The following EMC1 variants were observed in gnomAD, a reference collection of about 807,000 sequenced individuals.
EMC1 encodes ER membrane protein complex subunit 1.
In EMC1, 103 loss-of-function variants were observed where a neutral mutation model predicts 128.8. That is an observed-to-expected ratio of 0.80 (90% CI 0.68 to 0.94). The LOEUF (loss-of-function observed/expected upper bound fraction) is 0.94. Among genes scored for constraint, EMC1 ranks in the 40% least tolerant of loss-of-function variants. The pLI is 0.00. For missense variants in EMC1, 1,083 were observed against 1,250.6 expected, an observed-to-expected ratio of 0.87 and a Z score of 2.02; for synonymous variants, 442 against 490.4, an observed-to-expected ratio of 0.90 and a Z score of 1.30.
At chr1:19,250,468 T>C (rs1350161401) in intron 1 of EMC1, among the ~76,000 whole-genome samples, 1 of 152,166 alleles carries the variant, frequency 6.6e-6, no homozygotes, top group East Asian at 1.9e-4. Flanking sequence ...TTGTGAACAG[T>C]TGTGCACATC....
chr1:19,244,135 AG>A, intron 2 of EMC1, 120 bp from the exon 3 acceptor site: 1 of 962,414 alleles, frequency 1.0e-6, no homozygotes, highest in Non-Finnish European at 1.6e-6. Flanking sequence ...GAGGGAGTGA[AG>A]GAGTATAGCT....
chr1:19,218,456 TTAAC>T lies in EMC1; in HGVS notation c.*843_*846del, dbSNP rs1336169430. 6.6e-6 allele frequency: 1 copy of T among 152,228 alleles called. No homozygotes were observed. The highest frequency in any genetic ancestry group is 1.9e-4 in the East Asian group (1 of 5,208). The allele number at this position is 152,228 out of a possible 1,614,324, so 9.4% of individuals were successfully genotyped here. The stretch of plus-strand genomic sequence containing the variant: ...ATGGGGTTCTTAAACAAGGACATCT[TTAAC>T]TAGGTTATGATTAGACCAGCCTGTG... On this transcript the variant is annotated 3_prime_UTR_variant, in exon 23 of 23. Coordinates refer to ENST00000477853, the MANE Select transcript of EMC1 (RefSeq NM_015047.3).
Position 19,240,605 on chromosome 1 carries a change from C to T in EMC1, c.637-159G>A, listed in dbSNP as rs41310399. The T allele has an allele frequency of 3.0e-4, 214 of 714,734 alleles. 1 individual carries two copies. The highest frequency in any genetic ancestry group is 7.4e-4 in the South Asian group (37 of 49,706). The allele number at this position is 714,734 out of a possible 1,614,324, so 44.3% of individuals were successfully genotyped here. A position where few individuals can be genotyped will look rare whatever the true frequency, so the allele number is the denominator to read the frequency against. On this transcript the variant is annotated intron_variant, in intron 6 of 22. Coordinates refer to ENST00000477853, the MANE Select transcript of EMC1 (RefSeq NM_015047.3). ...GAGTTCTTCCTGTCCCCTGAAACCC[C>T]ACCCTCCAACCTCCTGAGAGCCTTC...
chr1:19,238,022 C>A lies in EMC1; in HGVS notation c.1207G>T (p.Glu403Ter). 6.2e-7 allele frequency: 1 copy of A among 1,613,622 alleles called. No homozygotes were observed. Among genetic ancestry groups the A allele is most frequent in the Non-Finnish European group, 8.5e-7 (1 of 1,179,810 alleles). The stretch of plus-strand genomic sequence containing the variant: ...AAAGAAAGGCTCTGCCTTACCCGCT[C>A]AGGCCGAGTGCCGCTCTGTTCCAGG... Reference protein sequence around the residue: ...FSLEQSGTRPERLYIQVFLKK... With the variant: ...FSLEQSGTRP Residue 403 changes from glutamate (E) to a stop codon, truncating the protein, a stop_gained, in exon 11 of 23, where the codon GAG (glutamate) becomes TAG (stop). Coordinates refer to ENST00000477853, the MANE Select transcript of EMC1 (RefSeq NM_015047.3). LOFTEE classifies it high-confidence loss of function.
intron 10 of EMC1, 104 bp from the exon 11 acceptor site, chr1:19,238,243 G>C: frequency 1.6e-6 from 2 of 1,286,862 alleles, no homozygotes; most frequent in Non-Finnish European, 2.2e-6. Context: ...GAAGGAGCCA[G>C]GCCAGAAGGG....
intron 17 of EMC1, among the ~76,000 whole-genome samples, 176 bp downstream of exon 17, chr1:19,230,668 G>C (rs865898331): frequency 2.6e-5 from 4 of 152,172 alleles, no homozygotes; most frequent in African/African-American, 7.2e-5. Flanking sequence ...AACCGTATCT[G>C]CCATGTAGTA....
rs372754971 is a variant in EMC1 at position 19,218,985 on chromosome 1, T to C, written c.*318A>G. ...TCACAAAAATCAGCCGGAATTCTTATTAAAAAAAACAAAACAGAACATTCA... is the reference window on the plus strand; with the variant it reads ...TCACAAAAATCAGCCGGAATTCTTACTAAAAAAAACAAAACAGAACATTCA... On this transcript the variant is annotated 3_prime_UTR_variant, in exon 23 of 23. Coordinates refer to ENST00000477853, the MANE Select transcript of EMC1 (RefSeq NM_015047.3). 2 of 169,114 alleles carry C rather than the reference T, an allele frequency of 1.2e-5. No homozygotes were observed. The highest frequency in any genetic ancestry group is 2.3e-5 in the Non-Finnish European group (2 of 88,290). 10.5% of individuals were successfully genotyped at this position (169,114 alleles called of 1,614,324 possible). A position where few individuals can be genotyped will look rare whatever the true frequency, so the allele number is the denominator to read the frequency against.
In EMC1 at chr1:19,227,430, A is replaced by G. The variant is rs2093483743; in HGVS notation, c.2085T>C (p.Ser695=). The G allele has an allele frequency of 1.9e-6, 3 of 1,614,150 alleles. No individual in the cohort carries two copies. The highest frequency in any genetic ancestry group is 2.5e-6 in the Non-Finnish European group (3 of 1,180,022). ...RLRKDLTTEL[S]WELTIPPEVQ... ...CTTCTGGGGGAATGGTCAGCTCCCAACTCAGCTCAGTGGTGAGATCCTAGG... is the reference window on the plus strand; with the variant it reads ...CTTCTGGGGGAATGGTCAGCTCCCAGCTCAGCTCAGTGGTGAGATCCTAGG... The change falls in exon 18 of 23, where the codon AGT becomes AGC. Residue 695 remains serine (S), a synonymous_variant. Transcript: ENST00000477853.
At chr1:19,230,816 A>C in intron 17 of EMC1, 28 bp downstream of exon 17, 11 of 1,613,120 alleles carry the variant, frequency 6.8e-6, no homozygotes, top group Non-Finnish European at 7.6e-6. Context: ...TCATCCACAA[A>C]GGGTTGTGCC....
chr1:19,240,175 C>A, intron 7 of EMC1, 122 bp downstream of exon 7: 1 of 1,329,502 alleles, frequency 7.5e-7, no homozygotes, highest in Non-Finnish European at 1.0e-6. Flanking sequence ...CAGCCAGAGG[C>A]CTGAATGGCT....
rs758888994 is a variant in EMC1 at position 19,219,308 on chromosome 1, G to A, written c.2977C>T (p.Arg993Ter). Residue 993 changes from arginine to a stop codon, truncating the protein, a stop_gained, in exon 23 of 23, where the codon CGA (arginine) becomes TGA (stop). Coordinates refer to ENST00000477853, the MANE Select transcript of EMC1 (RefSeq NM_015047.3). LOFTEE classifies it high-confidence loss of function. Reference protein sequence around the residue: ...AQVKLLNRAWR With the variant: ...AQVKLLNRAW ...TTAGGCACAGTCTTTGTTCTTTATC[G>A]CCAGGCCCGATTCAGGAGCTTCACC... 5.6e-6 allele frequency: 9 copies of A among 1,613,704 alleles called. No individual in the cohort carries two copies. The highest frequency in any genetic ancestry group is 1.1e-5 in the South Asian group (1 of 91,060).
intron 1 of EMC1, among the ~76,000 whole-genome samples, chr1:19,246,252 T>C (rs2093631696): frequency 1.3e-5 from 2 of 151,796 alleles, no homozygotes; most frequent in South Asian, 4.2e-4. Flanking sequence ...TAGCTGGGCG[T>C]GGTGGCACGT....
At position 19,240,423 on chromosome 1, in the gene EMC1, C is replaced by G. The variant is rs776530125; in HGVS notation, c.660G>C (p.Leu220=). ...CACCACAGGCTCCAGACAGGTGCTG[C>G]AGCCACGGAGTTGAAACCCTAACCT... ...VQQVRVSTPW[L]QHLSGACGVV... The change falls in exon 7 of 23, where the codon CTG becomes CTC. Residue 220 remains leucine, a synonymous_variant. Transcript: ENST00000477853. 7 of 1,614,200 alleles carry G rather than the reference C, an allele frequency of 4.3e-6. No homozygotes were observed. Among genetic ancestry groups the G allele is most frequent in the Non-Finnish European group, 5.1e-6 (6 of 1,180,012 alleles).
intron 2 of EMC1, 81 bp downstream of exon 2, chr1:19,244,825 A>G: frequency 1.3e-6 from 2 of 1,542,806 alleles, no homozygotes; most frequent in Non-Finnish European, 8.9e-7. Flanking sequence ...TTCCTTATTC[A>G]GGAATCAGCC....
Position 19,219,240 on chromosome 1 carries a change from C to T in EMC1, c.*63G>A. On this transcript the variant is annotated 3_prime_UTR_variant, in exon 23 of 23. Coordinates refer to ENST00000477853, the MANE Select transcript of EMC1 (RefSeq NM_015047.3). ...ACTCCACCAATCCACCAAACTGCAG[C>T]TGTAGCTGCTTATCTGACCCACACT... The T allele has an allele frequency of 1.9e-6, 3 of 1,545,242 alleles. No homozygotes were observed. Among genetic ancestry groups the T allele is most frequent in the Non-Finnish European group, 2.7e-6 (3 of 1,122,202 alleles).
chr1:19,228,334 T>C (rs776964199), intron 17 of EMC1, among the ~76,000 whole-genome samples: 4 of 152,150 alleles, frequency 2.6e-5, no homozygotes, highest in Non-Finnish European at 5.9e-5. Flanking sequence ...CCAAGATCCC[T>C]GTATACTGGG....
At chr1:19,220,361 G>C (rs968907932) in intron 21 of EMC1, 3 of 159,452 alleles carry the variant, frequency 1.9e-5, no homozygotes, top group African/African-American at 7.2e-5. Flanking sequence ...TGTTCCCTCT[G>C]CCTAGAAAGT....
chr1:19,220,008 T>C, intron 21 of EMC1: 2 of 330,862 alleles, frequency 6.0e-6, no homozygotes, highest in South Asian at 8.3e-5. Context: ...GCCAACACAC[T>C]GAACCACTAA....
At position 19,233,060 on chromosome 1, in the gene EMC1, C is replaced by A. The variant is rs1212485065; in HGVS notation, c.1508G>T (p.Trp503Leu). The change falls in exon 14 of 23, where the codon TGG (tryptophan) becomes TTG (leucine). Residue 503 changes from tryptophan (W) to leucine (L), a missense_variant. Coordinates refer to ENST00000477853, the MANE Select transcript of EMC1 (RefSeq NM_015047.3). Reference sequence around the variant, plus strand: ...CTTCCGAGCATCATAAAACATTTTCCAGAGGTGGGAAGTCCATGCTTGCAG... The same window carrying A: ...CTTCCGAGCATCATAAAACATTTTCAAGAGGTGGGAAGTCCATGCTTGCAG... Reference protein sequence around the residue: ...ILLQAWTSHLWKMFYDARKPR... With the variant: ...ILLQAWTSHLLKMFYDARKPR... 2 of 1,614,174 alleles carry A rather than the reference C, an allele frequency of 1.2e-6. No homozygotes were observed. Among genetic ancestry groups the A allele is most frequent in the East Asian group, 4.5e-5 (2 of 44,884 alleles).
Sources: allele counts gnomAD v4.1 joint callset (sites outside exome capture counted in the v4.1 genomes callset), GRCh38; gene constraint gnomAD v4.1.1; transcripts MANE v1.5; gene names NCBI Gene and HGNC (gene_info 2026-07-23, HGNC 2026-07-21).